The following DTNB variants were observed in gnomAD, a reference collection of about 807,000 sequenced individuals.
DTNB encodes DTN-B.
A neutral mutation model predicts 90.7 loss-of-function variants in DTNB; 63 were observed. The ratio of observed to expected loss-of-function variants is 0.69; its 90% CI spans 0.57 to 0.86. DTNB has a LOEUF of 0.86. Among genes scored for constraint, DTNB ranks in the 40% least tolerant of loss-of-function variants. The pLI is 0.00. For missense variants in DTNB, 744 were observed against 807.1 expected (o/e 0.92, Z 0.95); for synonymous variants, 277 against 286.7 (o/e 0.97, Z 0.34).
In DTNB at chr2:25,387,439, G is replaced by A; in HGVS notation, c.1736-61C>T. 6.6e-7 allele frequency: 1 copy of A among 1,510,542 alleles called. No individual in the cohort carries two copies. The highest frequency in any genetic ancestry group is 9.1e-7 in the Non-Finnish European group (1 of 1,094,118). 93.6% of individuals were successfully genotyped at this position (1,510,542 alleles called of 1,614,324 possible). ...GGGTGAGCGTGGAGAAGAGACGGCT[G>A]AGCAAATGCCTCAGTTCTGCCAGGC... is the stretch of plus-strand genomic sequence containing the variant. On this transcript the variant is annotated intron_variant, in intron 17 of 20. Transcript: ENST00000406818. The surrounding 1 kb of genome is among the most constrained non-coding windows in gnomAD (Gnocchi z 4.5).
chr2:25,620,721 C>G (rs2072317209), intron 4 of DTNB, among the ~76,000 whole-genome samples: 1 of 152,106 alleles, frequency 6.6e-6, no homozygotes, highest in Admixed American at 6.6e-5. Flanking sequence ...TAAGCCAAGA[C>G]TCTGGAAGGC....
intron 12 of DTNB, among the ~76,000 whole-genome samples, chr2:25,444,862 A>T (rs949416860): frequency 5.9e-5 from 9 of 152,334 alleles, no homozygotes; most frequent in African/African-American, 2.2e-4. Context: ...GAGGATTAGG[A>T]GTTTCTGTAT....
At chr2:25,464,671 T>C (rs1304879926) in intron 10 of DTNB, among the ~76,000 whole-genome samples, 1 of 152,160 alleles carries the variant, frequency 6.6e-6, no homozygotes, top group African/African-American at 2.4e-5. Flanking sequence ...TTGTCAATGA[T>C]GCTTTGGACA....
chr2:25,615,516 TACAAAGGTATTAGGAGTTCAGTGTA>T (rs2148598140), intron 4 of DTNB, among the ~76,000 whole-genome samples: 1 of 152,284 alleles, frequency 6.6e-6, no homozygotes, highest in South Asian at 2.1e-4. Context: ...CTCAGGAAGT[TACAAAGGTATTAGGAGTTCAGTGTA>T]AAGAACTGCG....
At chr2:25,609,520 C>T (rs894432376) in intron 4 of DTNB, among the ~76,000 whole-genome samples, 28 of 151,668 alleles carry the variant, frequency 1.8e-4, no homozygotes, top group Middle Eastern at 3.4e-3. Flanking sequence ...ATTGCTTGAA[C>T]CCAGGAGGCG....
intron 16 of DTNB, among the ~76,000 whole-genome samples, chr2:25,402,846 A>C (rs546535675): frequency 6.6e-6 from 1 of 152,370 alleles, no homozygotes; most frequent in African/African-American, 2.4e-5. Flanking sequence ...TCCCTATTCA[A>C]GTTACACTAA....
At chr2:25,638,920 A>G in intron 3 of DTNB, 94 bp downstream of exon 3, 1 of 1,231,288 alleles carries the variant, frequency 8.1e-7, no homozygotes, top group Non-Finnish European at 1.1e-6. Context: ...AAAATAATTC[A>G]ATTAACATTA....
At position 25,416,960 on chromosome 2, in the gene DTNB, C is replaced by G. The variant is rs1008651683; in HGVS notation, c.1575+2555G>C. On this transcript the variant is annotated intron_variant, in intron 16 of 20. Coordinates refer to ENST00000406818, the MANE Select transcript of DTNB (RefSeq NM_021907.5). ...GAAGCTAGTTCTAAAGCTTTATAGT[C>G]TCTTCAGTTGTACATCTGAAAAACA... Among the ~76,000 whole-genome samples the G allele has an allele frequency of 2.6e-5, 4 of 152,302 alleles. No homozygotes were observed. The South Asian group carries it at 8.3e-4, about 32-fold the overall frequency.
intron 10 of DTNB, among the ~76,000 whole-genome samples, chr2:25,467,639 GT>G (rs2062046213): frequency 1.3e-5 from 2 of 151,998 alleles, no homozygotes; most frequent in Non-Finnish European, 2.9e-5. Context: ...GTTGAGTCCA[GT>G]AATGGACCAC....
intron 7 of DTNB, among the ~76,000 whole-genome samples, chr2:25,580,403 C>T (rs191717742): frequency 4.9e-4 from 75 of 151,794 alleles, no homozygotes; most frequent in African/African-American, 1.8e-3. Flanking sequence ...CACCTGTAAT[C>T]CCAGCTACTC....
intron 12 of DTNB, among the ~76,000 whole-genome samples, chr2:25,444,316 G>T (rs1305830953): frequency 1.3e-5 from 2 of 152,018 alleles, no homozygotes; most frequent in Non-Finnish European, 2.9e-5. Flanking sequence ...ATCACCTGAC[G>T]TCAGGAGTTC....
chr2:25,614,467 T>C (rs2069617212), intron 4 of DTNB, among the ~76,000 whole-genome samples: 1 of 152,148 alleles, frequency 6.6e-6, no homozygotes, highest in Non-Finnish European at 1.5e-5. Flanking sequence ...TTAACAACAT[T>C]GCAGAATGTA....
At chr2:25,670,088 C>T (rs1457672597) in intron 1 of DTNB, among the ~76,000 whole-genome samples, 5 of 152,100 alleles carry the variant, frequency 3.3e-5, no homozygotes, top group African/African-American at 7.2e-5. Flanking sequence ...AAATAAACTA[C>T]GATACATACT....
chr2:25,503,715 C>A (rs192969702), intron 9 of DTNB, among the ~76,000 whole-genome samples: 29 of 149,402 alleles, frequency 1.9e-4, no homozygotes, highest in African/African-American at 6.7e-4. Context: ...GAGATCGAGA[C>A]CATCCTGGCT....
chr2:25,378,022 C>A (rs901387711), intron 20 of DTNB, among the ~76,000 whole-genome samples: 2 of 152,204 alleles, frequency 1.3e-5, no homozygotes, highest in African/African-American at 4.8e-5. Context: ...GCAGAAGACC[C>A]GGCTCCAATT....
intron 9 of DTNB, among the ~76,000 whole-genome samples, chr2:25,509,915 T>G (rs993834114): frequency 2.6e-5 from 4 of 152,000 alleles, no homozygotes. Context: ...CACACCTGGC[T>G]AATTTTTGTA....
Position 25,384,032 on chromosome 2 carries a change from C to T in DTNB, c.1826-143G>A. On this transcript the variant is annotated intron_variant, in intron 18 of 20. Coordinates refer to ENST00000406818, the MANE Select transcript of DTNB (RefSeq NM_021907.5). Reference sequence around the variant, plus strand: ...GCAGGCCTCTGAGGGTGCTTCAGCTCACCAGTCTGCACTTGTGCGGCCCAC... The same window carrying T: ...GCAGGCCTCTGAGGGTGCTTCAGCTTACCAGTCTGCACTTGTGCGGCCCAC... 3 of 1,530,970 alleles carry T rather than the reference C, an allele frequency of 2.0e-6. No homozygotes were observed. The South Asian group carries it at 3.8e-5, about 19-fold the overall frequency. 94.8% of individuals were successfully genotyped at this position (1,530,970 alleles called of 1,614,324 possible). A position where few individuals can be genotyped will look rare whatever the true frequency, so the allele number is the denominator to read the frequency against.
At chr2:25,597,673 GA>G (rs1034003609) in intron 5 of DTNB, among the ~76,000 whole-genome samples, 1 of 152,146 alleles carries the variant, frequency 6.6e-6, no homozygotes, top group Non-Finnish European at 1.5e-5. Flanking sequence ...CCATATGGGG[GA>G]AAAAATCCAG....
At chr2:25,631,065 G>A (rs1021625967) in intron 3 of DTNB, among the ~76,000 whole-genome samples, 2 of 152,082 alleles carry the variant, frequency 1.3e-5, no homozygotes, top group Non-Finnish European at 2.9e-5. Context: ...GGAATGTGGA[G>A]TGACTGTTAA....
Sources: gnomAD v4.1 joint callset for allele counts (sites outside exome capture counted in the v4.1 genomes callset) on GRCh38, gnomAD v4.1.1 for gene constraint, Gnocchi (gnomAD v3.1) non-coding constraint, MANE v1.5 for transcripts, NCBI Gene and HGNC (gene_info 2026-07-23, HGNC 2026-07-21) for gene names.